The following MAP3K13 variants were observed in gnomAD, a reference collection of about 807,000 sequenced individuals.
MAP3K13 encodes the protein mitogen-activated protein kinase kinase kinase 13, also known as leucine zipper-bearing kinase.
In MAP3K13, 52 loss-of-function variants were observed where a neutral mutation model predicts 104.0. That is an observed-to-expected ratio of 0.50 (90% CI 0.40 to 0.63). MAP3K13 has a LOEUF of 0.63. Ranked by LOEUF, MAP3K13 falls within the 20% of genes least tolerant of loss-of-function variation. The probability of loss-of-function intolerance (pLI) is 0.00; values close to 1 mark genes in which losing one functional copy is unlikely to be tolerated. For synonymous variants in MAP3K13, 394 were observed against 442.2 expected (o/e 0.89, Z 1.37); for missense variants, 914 against 1,218.5 (o/e 0.75, Z 3.72).
chr3:185,448,115 T>C (rs1715691964), intron 5 of MAP3K13, 168 bp downstream of exon 5: 3 of 824,766 alleles, frequency 3.6e-6, no homozygotes, highest in African/African-American at 1.7e-5. Context: ...TGGTGATATA[T>C]GGGGAGAAGG....
At chr3:185,415,747 C>A (rs1039760033) in intron 1 of MAP3K13, among the ~76,000 whole-genome samples, 1 of 151,934 alleles carries the variant, frequency 6.6e-6, no homozygotes, top group Admixed American at 6.6e-5. Context: ...CCACACCCAG[C>A]TGATTTTGTA....
intron 1 of MAP3K13, among the ~76,000 whole-genome samples, chr3:185,381,606 T>G (rs187286576): frequency 3.9e-5 from 6 of 152,296 alleles, no homozygotes; most frequent in Non-Finnish European, 2.9e-5. Context: ...TAGTGCCCTG[T>G]TTTTTGCATT....
intron 2 of MAP3K13, among the ~76,000 whole-genome samples, chr3:185,330,794 C>G (rs7430983): frequency 0.76 from 116,050 of 152,046 alleles, 45,030 homozygotes; most frequent in Middle Eastern, 0.84. Context: ...GCCCTACAAA[C>G]CAGCCCTCAG....
intron 3 of MAP3K13, among the ~76,000 whole-genome samples, chr3:185,441,892 T>C (rs1715342014): frequency 6.6e-6 from 1 of 151,902 alleles, no homozygotes; most frequent in Admixed American, 6.6e-5. Context: ...AATACAAAAA[T>C]TAGCTGGGTG....
At position 185,437,830 on chromosome 3, in the gene MAP3K13, C is replaced by T. The variant is rs114854661; in HGVS notation, c.659+200C>T. ...CTTATAATCCAGTGGTTCATTTTGCCGAAGTATGTGCAAAGTACATGGAAG... is the reference window on the plus strand; with the variant it reads ...CTTATAATCCAGTGGTTCATTTTGCTGAAGTATGTGCAAAGTACATGGAAG... On this transcript the variant is annotated intron_variant, in intron 3 of 13. Coordinates refer to ENST00000265026, the MANE Select transcript of MAP3K13 (RefSeq NM_004721.5). Among the ~76,000 whole-genome samples the T allele has an allele frequency of 3.8e-3, 572 of 152,018 alleles. 3 individuals are homozygous for T. Among genetic ancestry groups the T allele is most frequent in the African/African-American group, 0.013 (529 of 41,450 alleles).
intron 2 of MAP3K13, among the ~76,000 whole-genome samples, chr3:185,316,129 T>C (rs1014521909): frequency 6.6e-6 from 1 of 152,222 alleles, no homozygotes; most frequent in African/African-American, 2.4e-5. Flanking sequence ...TGGTTACAAA[T>C]ATATTTGAGC....
rs1002099206 is a variant in MAP3K13 at position 185,449,993 on chromosome 3, C to G, written c.1104C>G (p.Asn368Lys). The G allele has an allele frequency of 6.2e-7, 1 of 1,613,608 alleles. No individual in the cohort carries two copies. ...SSAIIWGVGS[N>K]SLHLPVPSTC... ...CCATTATCTGGGGTGTTGGAAGCAA[C>G]AGCCTCCACCTTCCAGTTCCTTCCA... Residue 368 changes from asparagine (N) to lysine (K), a missense_variant, in exon 6 of 14, where the codon AAC becomes AAG. Physicochemically the swap from Asn to Lys is moderately conservative, Grantham distance 94. Transcript: ENST00000265026.
chr3:185,358,073 T>C (rs919934459), intron 2 of MAP3K13, among the ~76,000 whole-genome samples: 1 of 152,194 alleles, frequency 6.6e-6, no homozygotes, highest in Admixed American at 6.5e-5. Context: ...GTGTTTGAAG[T>C]GCTTATCATA....
At chr3:185,454,988 G>GATATATATGAGAT (rs1716341501) in intron 7 of MAP3K13, among the ~76,000 whole-genome samples, 2 of 30,508 alleles carry the variant, frequency 6.6e-5, no homozygotes, top group African/African-American at 1.9e-4. Context: ...ATATATATGA[G>GATATATATGAGAT]ATATATATGA....
chr3:185,455,623 T>TATATCATATATATGA, intron 7 of MAP3K13, among the ~76,000 whole-genome samples: 1 of 51,450 alleles, frequency 1.9e-5, no homozygotes, highest in South Asian at 5.7e-4. Context: ...ATGAGATATA[T>TATATCATATATATGA]GATATATATA....
At chr3:185,417,411 C>T (rs1130693) in intron 1 of MAP3K13, 61 of 1,290,346 alleles carry the variant, frequency 4.7e-5, no homozygotes, top group Admixed American at 2.6e-4. Context: ...TCTTTTTTTC[C>T]TCACTGCCTG....
intron 1 of MAP3K13, among the ~76,000 whole-genome samples, chr3:185,378,978 G>A (rs1560074349): frequency 6.6e-6 from 1 of 152,160 alleles, no homozygotes; most frequent in Non-Finnish European, 1.5e-5. Context: ...AAGTTCTTGA[G>A]AACATAGGCT....
At chr3:185,339,346 A>C (rs1722634386) in intron 2 of MAP3K13, among the ~76,000 whole-genome samples, 1 of 152,170 alleles carries the variant, frequency 6.6e-6, no homozygotes, top group Admixed American at 6.5e-5. Flanking sequence ...AACTAAAATA[A>C]TGAAATGAAA....
rs538106630 is a variant in MAP3K13, at chr3:185,336,289, C to A, written c.-86+50646C>A. On this transcript the variant is annotated intron_variant, in intron 2 of 14. Coordinates refer to the MAP3K13 transcript ENST00000424227. ...GGGTGTGGTGGCTCACACCTGTAAT[C>A]CCAGCACTTTGGGAGGCTGAGGTGG... 4.6e-5 allele frequency among the ~76,000 whole-genome samples: 7 copies of A among 152,054 alleles called. No homozygotes were observed. The South Asian group carries it at 1.5e-3, about 32-fold the overall frequency.
intron 8 of MAP3K13, among the ~76,000 whole-genome samples, chr3:185,464,237 C>T (rs1315113281): frequency 6.6e-6 from 1 of 152,136 alleles, no homozygotes; most frequent in Non-Finnish European, 1.5e-5. Flanking sequence ...ACAGTGAGCC[C>T]AGATTGTGCC....
intron 2 of MAP3K13, among the ~76,000 whole-genome samples, chr3:185,289,083 A>G (rs1720640811): frequency 6.6e-6 from 1 of 152,136 alleles, no homozygotes; most frequent in Non-Finnish European, 1.5e-5. Context: ...TTTTTAGAAG[A>G]CTTTGGAAGG....
intron 7 of MAP3K13, among the ~76,000 whole-genome samples, chr3:185,455,920 T>A (rs1203553225): frequency 7.1e-6 from 1 of 141,448 alleles, no homozygotes; most frequent in Non-Finnish European, 1.5e-5. Flanking sequence ...AGATGAGATA[T>A]ATATGATGTA....
At chr3:185,379,951 C>G (rs1040153413) in intron 1 of MAP3K13, among the ~76,000 whole-genome samples, 11 of 152,062 alleles carry the variant, frequency 7.2e-5, no homozygotes, top group Non-Finnish European at 1.2e-4. Context: ...TTTGGGGGGC[C>G]GAGGCGGGTG....
intron 1 of MAP3K13, among the ~76,000 whole-genome samples, chr3:185,374,254 TA>T (rs1169936490): frequency 5.9e-5 from 9 of 152,088 alleles, no homozygotes; most frequent in African/African-American, 2.2e-4. Context: ...CTTCTTATAT[TA>T]ATAAGAAAAA....
Sources: allele counts gnomAD v4.1 joint callset (sites outside exome capture counted in the v4.1 genomes callset), GRCh38; gene constraint gnomAD v4.1.1; transcripts MANE v1.5; gene names NCBI Gene and HGNC (gene_info 2026-07-23, HGNC 2026-07-21).